Variants in GINS1 observed in about 807,000 individuals in gnomAD.
GINS1 encodes the protein GINS complex subunit 1.
In GINS1, 26 loss-of-function variants were observed where a neutral mutation model predicts 34.9. That is an observed-to-expected ratio of 0.74 (90% CI 0.55 to 1.03). GINS1 has a LOEUF of 1.03. Among genes scored for constraint, GINS1 ranks in the 50% least tolerant of loss-of-function variants. GINS1 has a pLI of 0.00. For missense variants in GINS1, 235 were observed against 237.9 expected (o/e 0.99, Z 0.08); for synonymous variants, 97 against 84.4 (o/e 1.15, Z -0.82).
At chr20:25,418,786 T>C (rs183021744) in intron 4 of GINS1, among the ~76,000 whole-genome samples, 6 of 152,242 alleles carry the variant, frequency 3.9e-5, no homozygotes, top group Admixed American at 2.0e-4. Context: ...AGAGTGTTTA[T>C]TGGGGCTTCA....
chr20:25,434,430 C>A (rs142750059), intron 5 of GINS1, among the ~76,000 whole-genome samples: 2 of 142,068 alleles, frequency 1.4e-5, no homozygotes, highest in Non-Finnish European at 3.0e-5. Context: ...TAATTTCTAA[C>A]GAACAGTAAT....
chr20:25,435,481 C>T (rs2090448909), intron 5 of GINS1, among the ~76,000 whole-genome samples: 1 of 151,988 alleles, frequency 6.6e-6, no homozygotes, highest in African/African-American at 2.4e-5. Flanking sequence ...TTTTTGGGGC[C>T]AGGTGTGGTG....
Position 25,419,603 on chromosome 20 carries a change from ATT to A in GINS1, c.330+1409_330+1410del, listed in dbSNP as rs1353416969. On this transcript the variant is annotated intron_variant, in intron 4 of 6. Coordinates refer to ENST00000262460, the MANE Select transcript of GINS1 (RefSeq NM_021067.5). ...TGTATTATGGTGAGATGAACAGAAC[ATT>A]ATGTTTCTCTAACGACAGTAGCTTT... The A allele has an allele frequency of 1.7e-5, 13 of 787,042 alleles. No individual in the cohort carries two copies. The African/African-American group carries it at 2.1e-4, about 13-fold the overall frequency. 48.8% of individuals were successfully genotyped at this position (787,042 alleles called of 1,614,324 possible). A position where few individuals can be genotyped will look rare whatever the true frequency, so the allele number is the denominator to read the frequency against.
chr20:25,423,905 T>C (rs6083853), intron 4 of GINS1, among the ~76,000 whole-genome samples: 93,717 of 151,872 alleles, frequency 0.62, 30,482 homozygotes, highest in African/African-American at 0.79. Context: ...TGAGCCACCG[T>C]GCCCGGCCTT....
intron 2 of GINS1, among the ~76,000 whole-genome samples, chr20:25,415,168 A>G (rs536038612): frequency 6.6e-6 from 1 of 152,332 alleles, no homozygotes; most frequent in South Asian, 2.1e-4. Flanking sequence ...TGAGGCACAT[A>G]AAATGATAGG....
At chr20:25,409,041 A>G (rs1422929041) in intron 1 of GINS1, 2 of 984,712 alleles carry the variant, frequency 2.0e-6, no homozygotes, top group African/African-American at 1.7e-5. Context: ...GAGCCTTTCC[A>G]TCCTCAAGGA....
At chr20:25,427,601 GTCT>G (rs1039360374) in intron 5 of GINS1, among the ~76,000 whole-genome samples, 11 of 152,162 alleles carry the variant, frequency 7.2e-5, no homozygotes, top group African/African-American at 2.4e-4. Context: ...CTATTCCTGT[GTCT>G]TCTTTGGAGA....
intron 5 of GINS1, among the ~76,000 whole-genome samples, chr20:25,432,814 GTATTA>G (rs1205562877): frequency 6.7e-6 from 1 of 148,930 alleles, no homozygotes; most frequent in African/African-American, 2.5e-5. Context: ...CTTCTTGTAT[GTATTA>G]TATATTTATC....
Position 25,447,743 on chromosome 20 carries a change from G to A in GINS1, c.*1752G>A, listed in dbSNP as rs377000625. On this transcript the variant is annotated 3_prime_UTR_variant, in exon 7 of 7. Coordinates refer to ENST00000262460, the MANE Select transcript of GINS1 (RefSeq NM_021067.5). Reference sequence around the variant, plus strand: ...CTTGCCTCGTCCTCCCCATGTGCTGGGATTACAGGCGTGAGCCTTGGTGCT... The same window carrying A: ...CTTGCCTCGTCCTCCCCATGTGCTGAGATTACAGGCGTGAGCCTTGGTGCT... 2 of 152,262 alleles carry A rather than the reference G, an allele frequency of 1.3e-5. No homozygotes were observed. Among genetic ancestry groups the A allele is most frequent in the East Asian group, 3.8e-4 (2 of 5,202 alleles). The allele number at this position is 152,262 out of a possible 1,614,324, so 9.4% of individuals were successfully genotyped here.
chr20:25,436,871 TTTGA>T (rs2090457292), intron 5 of GINS1, among the ~76,000 whole-genome samples: 1 of 152,220 alleles, frequency 6.6e-6, no homozygotes, highest in South Asian at 2.1e-4. Flanking sequence ...TGTCTTGTGA[TTTGA>T]TTGTTTTTGC....
At chr20:25,429,447 A>G (rs1248831136) in intron 5 of GINS1, among the ~76,000 whole-genome samples, 2 of 152,176 alleles carry the variant, frequency 1.3e-5, no homozygotes, top group Admixed American at 6.5e-5. Flanking sequence ...CTTCCAATCC[A>G]TGAACATGGG....
At chr20:25,413,555 T>G (rs1258393647) in intron 1 of GINS1, 2 of 471,846 alleles carry the variant, frequency 4.2e-6, no homozygotes, top group Non-Finnish European at 7.5e-6. Context: ...TTTGAGGAAC[T>G]GTCAAGTTTT....
chr20:25,410,943 A>G (rs958116565), intron 1 of GINS1, among the ~76,000 whole-genome samples: 10 of 152,188 alleles, frequency 6.6e-5, no homozygotes, highest in African/African-American at 1.9e-4. Flanking sequence ...CACCCTTTCT[A>G]TATGCAGAAT....
intron 4 of GINS1, among the ~76,000 whole-genome samples, chr20:25,420,097 A>G (rs965072380): frequency 1.3e-5 from 2 of 152,096 alleles, no homozygotes; most frequent in Admixed American, 6.5e-5. Flanking sequence ...GTCAGTTTCT[A>G]TTTTAATGAA....
At chr20:25,426,976 A>C (rs1452709050) in intron 5 of GINS1, among the ~76,000 whole-genome samples, 2 of 152,080 alleles carry the variant, frequency 1.3e-5, no homozygotes, top group East Asian at 3.8e-4. Context: ...TGGATATATA[A>C]ATCTCTTTGA....
chr20:25,445,672 G>A (rs774277677), intron 6 of GINS1, among the ~76,000 whole-genome samples: 17 of 152,038 alleles, frequency 1.1e-4, no homozygotes, highest in Admixed American at 5.9e-4. Flanking sequence ...TAGTAGAGAC[G>A]CGGTTTCTCC....
At position 25,436,441 on chromosome 20, in the gene GINS1, C is replaced by T. The variant is rs372064136; in HGVS notation, c.448-5261C>T. On this transcript the variant is annotated intron_variant, in intron 5 of 6. Transcript: ENST00000262460. Reference sequence around the variant, plus strand: ...CTCTCTGCCCCTTTGTCTTTCTCTTCTTGGTTTGCTTGATGGTGCCCTTCA... The same window carrying T: ...CTCTCTGCCCCTTTGTCTTTCTCTTTTTGGTTTGCTTGATGGTGCCCTTCA... Among the ~76,000 whole-genome samples the T allele has an allele frequency of 1.1e-4, 16 of 152,196 alleles. No individual in the cohort carries two copies. In the East Asian group the frequency reaches 1.5e-3, roughly 15 times the overall value.
intron 4 of GINS1, among the ~76,000 whole-genome samples, chr20:25,423,557 C>G (rs565610316): frequency 6.9e-5 from 9 of 130,094 alleles, no homozygotes; most frequent in Admixed American, 6.5e-4. Context: ...CAAGCTCCAC[C>G]TCCCGGGTTC....
At chr20:25,437,840 C>T (rs553880131) in intron 5 of GINS1, among the ~76,000 whole-genome samples, 16 of 151,988 alleles carry the variant, frequency 1.1e-4, no homozygotes, top group Middle Eastern at 3.4e-3. Context: ...GAAAAGGGGC[C>T]GGGCACAGTG....
Sources: gnomAD v4.1 joint callset for allele counts (sites outside exome capture counted in the v4.1 genomes callset) on GRCh38, gnomAD v4.1.1 for gene constraint, MANE v1.5 for transcripts, NCBI Gene and HGNC (gene_info 2026-07-23, HGNC 2026-07-21) for gene names.